SLC36A1: variants seen among roughly 807,000 people sequenced by gnomAD.
SLC36A1 encodes proton-coupled amino acid transporter 1.
In SLC36A1, 30 loss-of-function variants were observed where a neutral mutation model predicts 47.5. That is an observed-to-expected ratio of 0.63 (90% CI 0.47 to 0.86). SLC36A1 has a LOEUF of 0.86. Ranked by LOEUF, SLC36A1 falls within the 40% of genes least tolerant of loss-of-function variation. The pLI, the probability that SLC36A1 is intolerant of heterozygous loss-of-function variation, is 0.00. For missense variants in SLC36A1, 517 were observed against 606.0 expected, an observed-to-expected ratio of 0.85 and a Z score of 1.54; for synonymous variants, 255 against 249.7, an observed-to-expected ratio of 1.02 and a Z score of -0.20.
chr5:151,474,133 C>G (rs909301645), intron 8 of SLC36A1, among the ~76,000 whole-genome samples: 3 of 126,208 alleles, frequency 2.4e-5, no homozygotes, highest in Non-Finnish European at 4.7e-5. Flanking sequence ...GCACTCCAGC[C>G]TGGGTGACAG....
chr5:151,349,500 T>C, the SLC36A1 span, among the ~76,000 whole-genome samples: 1 of 152,134 alleles, frequency 6.6e-6, no homozygotes, highest in African/African-American at 2.4e-5. Flanking sequence ...CTTGGAAAGA[T>C]ATTATTCCCC....
the SLC36A1 span, chr5:151,526,028 G>T: frequency 6.6e-7 from 1 of 1,507,938 alleles, no homozygotes; most frequent in South Asian, 1.2e-5. Context: ...CCTTTCGCAC[G>T]TGTCTGGGTA....
the SLC36A1 span, among the ~76,000 whole-genome samples, chr5:151,352,184 A>G: frequency 2.1e-4 from 32 of 152,144 alleles, no homozygotes; most frequent in Admixed American, 1.8e-3. Flanking sequence ...TATCTAAAGG[A>G]GGACCCTCTG....
At chr5:151,393,113 T>C in the SLC36A1 span, among the ~76,000 whole-genome samples, 16 of 151,672 alleles carry the variant, frequency 1.1e-4, no homozygotes, top group African/African-American at 3.9e-4. Flanking sequence ...GTATTTAGGA[T>C]AGTTAGCTCT....
the SLC36A1 span, among the ~76,000 whole-genome samples, chr5:151,357,465 T>C: frequency 6.6e-5 from 10 of 152,266 alleles, no homozygotes; most frequent in Admixed American, 6.5e-4. Context: ...AGCTGAATGA[T>C]AGGCCTTTTG....
the SLC36A1 span, among the ~76,000 whole-genome samples, chr5:151,532,648 A>G: frequency 2.0e-5 from 3 of 152,212 alleles, no homozygotes; most frequent in Admixed American, 6.5e-5. Flanking sequence ...GAAAACACCC[A>G]TGGAAGTTCT....
At chr5:151,346,026 C>T in the SLC36A1 span, among the ~76,000 whole-genome samples, 5 of 152,222 alleles carry the variant, frequency 3.3e-5, no homozygotes, top group South Asian at 2.1e-4. Flanking sequence ...CCAACCCCAT[C>T]GTTGCCACGC....
the SLC36A1 span, among the ~76,000 whole-genome samples, chr5:151,377,480 C>T: frequency 8.0e-5 from 12 of 150,934 alleles, no homozygotes; most frequent in Non-Finnish European, 1.5e-4. Context: ...TCCCGTGTAG[C>T]TGGGACTACA....
At chr5:151,533,514 C>T in the SLC36A1 span, among the ~76,000 whole-genome samples, 2 of 151,962 alleles carry the variant, frequency 1.3e-5, no homozygotes, top group South Asian at 2.1e-4. Context: ...TCGAATATCT[C>T]ACCTCCTTCA....
chr5:151,414,502 T>C, the SLC36A1 span, among the ~76,000 whole-genome samples: 5 of 152,132 alleles, frequency 3.3e-5, no homozygotes, highest in African/African-American at 1.2e-4. Context: ...ATATTGACAA[T>C]TTTCAAGTTG....
At chr5:151,483,338 G>A (rs1337585737) in intron 10 of SLC36A1, among the ~76,000 whole-genome samples, 3 of 152,164 alleles carry the variant, frequency 2.0e-5, no homozygotes, top group African/African-American at 2.4e-5. Context: ...CTCTTGACTC[G>A]AAGGGAAGAT....
chr5:151,431,806 C>A, the SLC36A1 span, among the ~76,000 whole-genome samples: 4 of 152,180 alleles, frequency 2.6e-5, no homozygotes. Flanking sequence ...TCGAGTGTGT[C>A]TTTATGAGCA....
the SLC36A1 span, among the ~76,000 whole-genome samples, chr5:151,370,535 A>G: frequency 2.6e-5 from 4 of 152,118 alleles, no homozygotes; most frequent in Non-Finnish European, 2.9e-5. Context: ...ACCTTCCCAC[A>G]TTTCCTAAGT....
chr5:151,420,901 C>T, the SLC36A1 span, among the ~76,000 whole-genome samples: 8 of 146,264 alleles, frequency 5.5e-5, no homozygotes, highest in South Asian at 4.4e-4. Context: ...GACAGAGTCT[C>T]GCTCTGTTGC....
At chr5:151,442,119 T>C (rs1242644778) in intron 1 of SLC36A1, among the ~76,000 whole-genome samples, 1 of 152,198 alleles carries the variant, frequency 6.6e-6, no homozygotes, top group Non-Finnish European at 1.5e-5. Context: ...ATTAATAGTA[T>C]TTTTTGGTTG....
chr5:151,361,589 A>C, the SLC36A1 span, among the ~76,000 whole-genome samples: 7 of 152,364 alleles, frequency 4.6e-5, no homozygotes, highest in South Asian at 1.4e-3. Flanking sequence ...TTAAAATTTC[A>C]TACTAGAGTT....
At chr5:151,443,288 G>A (rs565020207), upstream of SLC36A1, among the ~76,000 whole-genome samples, 5 of 152,212 alleles carry the variant, frequency 3.3e-5, no homozygotes, top group South Asian at 1.0e-3. Flanking sequence ...CCCACCAACA[G>A]TGTACTAGAA....
the SLC36A1 span, among the ~76,000 whole-genome samples, chr5:151,500,902 GCCC>G: frequency 2.6e-5 from 4 of 152,208 alleles, no homozygotes; most frequent in African/African-American, 9.6e-5. Flanking sequence ...ATCCCAGAGA[GCCC>G]TCTGGTGGCT....
intron 10 of SLC36A1, chr5:151,480,132 A>C: frequency 6.9e-7 from 1 of 1,454,422 alleles, no homozygotes. Flanking sequence ...AATAAAAGTA[A>C]ATTTTTTTTG....
Sources: allele counts gnomAD v4.1 joint callset (sites outside exome capture counted in the v4.1 genomes callset), GRCh38; gene constraint gnomAD v4.1.1; transcripts MANE v1.5; gene names NCBI Gene and HGNC (gene_info 2026-07-23, HGNC 2026-07-21).